Variants in DRD3 observed in about 807,000 individuals in gnomAD.
DRD3 encodes D(3) dopamine receptor.
In DRD3, 19 loss-of-function variants were observed where a neutral mutation model predicts 36.3. The ratio of observed to expected loss-of-function variants is 0.52; its 90% CI spans 0.36 to 0.77. The LOEUF is 0.77. Among genes scored for constraint, DRD3 ranks in the 30% least tolerant of loss-of-function variants. The pLI is 0.00. For synonymous variants in DRD3, 195 were observed against 203.7 expected, an observed-to-expected ratio of 0.96 and a Z score of 0.36; for missense variants, 465 against 505.3, an observed-to-expected ratio of 0.92 and a Z score of 0.77.
At chr3:114,129,350 A>C (rs2077406667) in intron 6 of DRD3, among the ~76,000 whole-genome samples, 1 of 152,018 alleles carries the variant, frequency 6.6e-6, no homozygotes, top group Non-Finnish European at 1.5e-5. Flanking sequence ...CTCAAAAAAA[A>C]CAAAACAAAA....
chr3:114,188,210 CTTTTTTT>C (rs57147337), intron 1 of DRD3, among the ~76,000 whole-genome samples: 45 of 122,882 alleles, frequency 3.7e-4, no homozygotes, highest in East Asian at 3.5e-3. Context: ...CTTTTTTTCC[CTTTTTTT>C]TTTTTTTTTT....
At chr3:114,131,497 G>A (rs967369330) in intron 5 of DRD3, 97 bp from the exon 6 acceptor site, 22 of 1,465,944 alleles carry the variant, frequency 1.5e-5, no homozygotes, top group South Asian at 4.1e-5. Flanking sequence ...GAAGGAAGAC[G>A]GCAACACAGT....
At chr3:114,159,718 G>A (rs1165669334) in intron 3 of DRD3, 37 bp downstream of exon 3, 2 of 1,593,084 alleles carry the variant, frequency 1.3e-6, no homozygotes, top group Non-Finnish European at 1.7e-6. Context: ...CACTTCCCCA[G>A]CTTTTGGGCC....
upstream of DRD3, among the ~76,000 whole-genome samples, chr3:114,183,033 T>C (rs1276846667): frequency 1.3e-5 from 2 of 152,174 alleles, no homozygotes. Flanking sequence ...CTGGTTCATG[T>C]GGTAATTCTG....
At chr3:114,133,841 T>C (rs543486986) in intron 5 of DRD3, among the ~76,000 whole-genome samples, 128 of 152,310 alleles carry the variant, frequency 8.4e-4, no homozygotes, top group South Asian at 2.7e-3. Flanking sequence ...GATATTCACT[T>C]CATACCTCCA....
chr3:114,136,060 G>A (rs920721932), intron 5 of DRD3, among the ~76,000 whole-genome samples: 2 of 151,954 alleles, frequency 1.3e-5, no homozygotes, highest in African/African-American at 4.8e-5. Context: ...GACTTCTAAC[G>A]CATTATTTCT....
chr3:114,161,518 C>T (rs555237413), intron 2 of DRD3, among the ~76,000 whole-genome samples: 1 of 152,142 alleles, frequency 6.6e-6, no homozygotes, highest in Admixed American at 6.5e-5. Flanking sequence ...TGTGCTTGGT[C>T]ATCTCCAGAC....
rs1437485782 is a variant in DRD3, at chr3:114,171,806, T to C, written c.187A>G (p.Thr63Ala). Reference sequence around the variant, plus strand: ...AGGCTCACTACTAAGTAGTTGGTGGTAGTCTGCAGGGCCCGCTCCTTCAGC... The same window carrying C: ...AGGCTCACTACTAAGTAGTTGGTGGCAGTCTGCAGGGCCCGCTCCTTCAGC... ...AVLKERALQT[T>A]TNYLVVSLAV... Residue 63 changes from threonine (T) to alanine (A), a missense_variant, in exon 2 of 7, where the codon ACC becomes GCC. Thr to Ala is a moderately conservative substitution (Grantham distance 58). Transcript: ENST00000383673. 6.2e-7 allele frequency: 1 copy of C among 1,614,008 alleles called. No homozygotes were observed. Among genetic ancestry groups the C allele is most frequent in the South Asian group, 1.1e-5 (1 of 91,044 alleles).
intron 5 of DRD3, among the ~76,000 whole-genome samples, chr3:114,135,678 G>GTT (rs939044602): frequency 1.3e-3 from 200 of 150,320 alleles, no homozygotes; most frequent in African/African-American, 4.4e-3. Context: ...TTTTTTGTTT[G>GTT]TTTTTTTTTG....
chr3:114,128,579 A>G lies in DRD3; in HGVS notation c.*137T>C. ...TGTTTTGGAGGACACATCTGGTTAT[A>G]CCTGACAAGCAGGGACATCCTGGCT... On this transcript the variant is annotated 3_prime_UTR_variant, in exon 7 of 7. Transcript: ENST00000383673. 4 of 837,402 alleles carry G rather than the reference A, an allele frequency of 4.8e-6. No homozygotes were observed. Among genetic ancestry groups the G allele is most frequent in the Non-Finnish European group, 7.1e-6 (4 of 563,328 alleles). 51.9% of individuals were successfully genotyped at this position (837,402 alleles called of 1,614,324 possible).
At chr3:114,137,773 C>T (rs138795988) in intron 5 of DRD3, among the ~76,000 whole-genome samples, 7,442 of 151,198 alleles carry the variant, frequency 0.049, 232 homozygotes, top group Middle Eastern at 0.16. Flanking sequence ...GTGCGGATCA[C>T]GAGGTCAGGA....
chr3:114,169,600 A>C (rs1380321648), intron 2 of DRD3, among the ~76,000 whole-genome samples: 1 of 152,016 alleles, frequency 6.6e-6, no homozygotes, highest in Non-Finnish European at 1.5e-5. Context: ...GAAACCAAAA[A>C]CTTCATCAGA....
intron 1 of DRD3, among the ~76,000 whole-genome samples, chr3:114,197,536 A>G (rs2078044267): frequency 6.6e-6 from 1 of 152,066 alleles, no homozygotes; most frequent in African/African-American, 2.4e-5. Context: ...TGCCTAACCC[A>G]AGGTCACAAA....
chr3:114,192,797 T>C (rs896794720), intron 1 of DRD3, among the ~76,000 whole-genome samples: 1 of 152,222 alleles, frequency 6.6e-6, no homozygotes, highest in Admixed American at 6.5e-5. Flanking sequence ...ACTTTGTAAC[T>C]GGGTCTGAGA....
intron 3 of DRD3, among the ~76,000 whole-genome samples, chr3:114,158,696 G>C (rs973418929): frequency 6.6e-6 from 1 of 152,184 alleles, no homozygotes. Flanking sequence ...GATAATAACA[G>C]TACCTAAGAA....
intron 3 of DRD3, among the ~76,000 whole-genome samples, chr3:114,152,065 T>A (rs1314969724): frequency 6.6e-6 from 1 of 152,244 alleles, no homozygotes; most frequent in East Asian, 1.9e-4. Context: ...TTTCTTCTTT[T>A]TTGAAATTAT....
chr3:114,182,058 A>T (rs1296062795), upstream of DRD3, among the ~76,000 whole-genome samples: 1 of 152,186 alleles, frequency 6.6e-6, no homozygotes. Context: ...GATGATCTTA[A>T]ACTGCATGAT....
At chr3:114,170,512 C>T (rs1212041471) in intron 2 of DRD3, among the ~76,000 whole-genome samples, 2 of 152,092 alleles carry the variant, frequency 1.3e-5, no homozygotes, top group Non-Finnish European at 2.9e-5. Flanking sequence ...AGAATAAATG[C>T]ATATTTTTTC....
intron 1 of DRD3, among the ~76,000 whole-genome samples, chr3:114,185,073 A>C (rs6804359): frequency 0.047 from 7,186 of 152,218 alleles, 226 homozygotes; most frequent in Middle Eastern, 0.078. Context: ...TATATTTCAG[A>C]AGTTTGATTA....
Sources: gnomAD v4.1 joint callset for allele counts (sites outside exome capture counted in the v4.1 genomes callset) on GRCh38, gnomAD v4.1.1 for gene constraint, MANE v1.5 for transcripts, NCBI Gene and HGNC (gene_info 2026-07-23, HGNC 2026-07-21) for gene names.